Variants in GABRA5 observed in about 807,000 individuals in gnomAD.
GABRA5 encodes gamma-aminobutyric acid receptor subunit alpha-5.
Under a neutral mutation model 47.3 loss-of-function variants are expected in GABRA5, and 18 were observed. The ratio of observed to expected loss-of-function variants is 0.38; its 90% CI spans 0.26 to 0.56. The LOEUF (loss-of-function observed/expected upper bound fraction) is 0.56. Among genes scored for constraint, GABRA5 ranks in the 20% least tolerant of loss-of-function variants. GABRA5 has a pLI of 0.71. For synonymous variants in GABRA5, 237 were observed against 229.3 expected (o/e 1.03, Z -0.30); for missense variants, 365 against 599.3 (o/e 0.61, Z 4.08).
At chr15:26,939,881 A>G (rs775161893) in intron 8 of GABRA5, 44 bp from the exon 9 acceptor site, 1 of 1,603,816 alleles carries the variant, frequency 6.2e-7, no homozygotes, top group Non-Finnish European at 8.5e-7. Flanking sequence ...TGCAGCAAGC[A>G]GAGACTCTAG....
chr15:26,893,206 G>T (rs372564606), intron 6 of GABRA5, among the ~76,000 whole-genome samples: 122,995 of 144,938 alleles, frequency 0.85, 52,392 homozygotes, highest in Non-Finnish European at 0.9. Context: ...TAGTGTGTTG[G>T]GTGTGTATGG....
intron 6 of GABRA5, among the ~76,000 whole-genome samples, chr15:26,908,253 A>G (rs543151680): frequency 6.6e-6 from 1 of 152,198 alleles, no homozygotes; most frequent in South Asian, 2.1e-4. Context: ...TTCCTTTCCA[A>G]GACGCCCCAC....
At chr15:26,923,254 C>T (rs1269717261) in intron 7 of GABRA5, among the ~76,000 whole-genome samples, 4 of 152,244 alleles carry the variant, frequency 2.6e-5, no homozygotes, top group Middle Eastern at 3.4e-3. Flanking sequence ...GTTAAGCAAA[C>T]TTTCTCTAGC....
At chr15:26,911,119 T>C (rs1049812069) in intron 6 of GABRA5, among the ~76,000 whole-genome samples, 2 of 152,100 alleles carry the variant, frequency 1.3e-5, no homozygotes, top group Non-Finnish European at 2.9e-5. Context: ...AATACATTCA[T>C]GTGTTAGAGG....
chr15:26,946,505 T>C (rs1277665130), intron 10 of GABRA5, among the ~76,000 whole-genome samples: 2 of 151,964 alleles, frequency 1.3e-5, no homozygotes, highest in Non-Finnish European at 2.9e-5. Context: ...TATGTCAGCA[T>C]GCATGTCATT....
At chr15:26,941,274 A>C (rs536335630) in intron 9 of GABRA5, among the ~76,000 whole-genome samples, 1 of 152,134 alleles carries the variant, frequency 6.6e-6, no homozygotes, top group African/African-American at 2.4e-5. Context: ...GCAGAAAAAA[A>C]GCTGGGAGGG....
At chr15:26,896,268 G>A (rs1893192106) in intron 6 of GABRA5, among the ~76,000 whole-genome samples, 1 of 152,150 alleles carries the variant, frequency 6.6e-6, no homozygotes, top group South Asian at 2.1e-4. Context: ...AGAGGTGTAT[G>A]AAATAGCACA....
At chr15:26,943,698 T>G (rs1170528319) in intron 10 of GABRA5, among the ~76,000 whole-genome samples, 5 of 152,182 alleles carry the variant, frequency 3.3e-5, no homozygotes, top group African/African-American at 1.2e-4. Flanking sequence ...GGACGACTTG[T>G]CTGGTTTTAG....
At chr15:26,931,392 A>G (rs1238330177) in intron 7 of GABRA5, among the ~76,000 whole-genome samples, 1 of 152,140 alleles carries the variant, frequency 6.6e-6, no homozygotes, top group Non-Finnish European at 1.5e-5. Flanking sequence ...GTGCCCTCAC[A>G]TGGTGGTAGG....
chr15:26,944,878 C>T (rs1053130954), intron 10 of GABRA5, among the ~76,000 whole-genome samples: 1 of 152,062 alleles, frequency 6.6e-6, no homozygotes, highest in African/African-American at 2.4e-5. Context: ...TGGGCTCATG[C>T]CTGTGAGTCT....
intron 6 of GABRA5, among the ~76,000 whole-genome samples, chr15:26,884,819 G>T (rs1489039479): frequency 6.6e-6 from 1 of 152,206 alleles, no homozygotes; most frequent in Non-Finnish European, 1.5e-5. Context: ...CAACGGCGCG[G>T]TGCAGTCTTT....
At chr15:26,896,204 A>G (rs554700005) in intron 6 of GABRA5, among the ~76,000 whole-genome samples, 29 of 152,360 alleles carry the variant, frequency 1.9e-4, no homozygotes, top group African/African-American at 5.3e-4. Flanking sequence ...TTGTCTCCAA[A>G]GAAACAAACA....
At chr15:26,872,681 G>C (rs1051742770) in intron 3 of GABRA5, among the ~76,000 whole-genome samples, 5 of 152,228 alleles carry the variant, frequency 3.3e-5, no homozygotes, top group Non-Finnish European at 1.5e-5. Flanking sequence ...TCTAGGACAA[G>C]AGAAGTGCTG....
At chr15:26,897,651 C>T (rs1893231366) in intron 6 of GABRA5, among the ~76,000 whole-genome samples, 1 of 152,130 alleles carries the variant, frequency 6.6e-6, no homozygotes, top group Admixed American at 6.5e-5. Context: ...GTACAAGTTG[C>T]CCCTTGATAA....
intron 6 of GABRA5, among the ~76,000 whole-genome samples, chr15:26,886,115 G>GT (rs1402907799): frequency 6.6e-6 from 1 of 152,108 alleles, no homozygotes; most frequent in Non-Finnish European, 1.5e-5. Flanking sequence ...CACCTCCCGG[G>GT]TTCGAGCGAT....
At chr15:26,901,910 C>T (rs559647089) in intron 6 of GABRA5, among the ~76,000 whole-genome samples, 99 of 152,192 alleles carry the variant, frequency 6.5e-4, no homozygotes, top group African/African-American at 2.3e-3. Context: ...AAGACTGTCT[C>T]GTCTTCAGTC....
chr15:26,926,517 C>G (rs1893965939), intron 7 of GABRA5, among the ~76,000 whole-genome samples: 1 of 152,116 alleles, frequency 6.6e-6, no homozygotes, highest in Non-Finnish European at 1.5e-5. Context: ...GGGACTATCT[C>G]TGGGATTTAT....
intron 10 of GABRA5, 63 bp from the exon 11 acceptor site, chr15:26,947,871 T>C: frequency 7.0e-7 from 1 of 1,428,962 alleles, no homozygotes; most frequent in Non-Finnish European, 9.5e-7. Flanking sequence ...CCTTTAGAAC[T>C]CCAAGGTGAG....
chr15:26,879,108 T>C (rs1227130137), intron 3 of GABRA5, among the ~76,000 whole-genome samples: 2 of 152,238 alleles, frequency 1.3e-5, no homozygotes, highest in African/African-American at 4.8e-5. Flanking sequence ...TAGAAAACTT[T>C]AATTTCACCA....
Sources: gnomAD v4.1 joint callset for allele counts (sites outside exome capture counted in the v4.1 genomes callset) on GRCh38, gnomAD v4.1.1 for gene constraint, MANE v1.5 for transcripts, NCBI Gene and HGNC (gene_info 2026-07-23, HGNC 2026-07-21) for gene names.